Variants in CALCR observed in about 807,000 individuals in gnomAD.
CALCR encodes calcitonin receptor.
Under a neutral mutation model 59.5 loss-of-function variants are expected in CALCR, and 47 were observed. That is an observed-to-expected ratio of 0.79 (90% CI 0.63 to 1.01). The LOEUF (loss-of-function observed/expected upper bound fraction) is 1.01, where lower values mean the gene tolerates loss of function less well. CALCR is among the 50% of genes least tolerant of loss of function. CALCR has a pLI of 0.00. For synonymous variants in CALCR, 213 were observed against 211.3 expected (o/e 1.01, Z -0.07); for missense variants, 566 against 597.1 (o/e 0.95, Z 0.54).
chr7:93,437,026 C>CTTT (rs56167457), intron 11 of CALCR, among the ~76,000 whole-genome samples: 9 of 148,394 alleles, frequency 6.1e-5, no homozygotes, highest in South Asian at 2.1e-4. Flanking sequence ...ATTGTTGAAT[C>CTTT]TTTTTTTTTA....
chr7:93,454,502 A>G (rs931564876), intron 8 of CALCR, among the ~76,000 whole-genome samples: 2 of 152,016 alleles, frequency 1.3e-5, no homozygotes, highest in Non-Finnish European at 2.9e-5. Flanking sequence ...AGAGAAATTT[A>G]TTTCTAAAAA....
intron 2 of CALCR, among the ~76,000 whole-genome samples, chr7:93,532,228 T>C (rs757540562): frequency 6.6e-6 from 1 of 152,084 alleles, no homozygotes; most frequent in Non-Finnish European, 1.5e-5. Context: ...ATGAAGTCTG[T>C]CTAAAGGCAA....
intron 2 of CALCR, among the ~76,000 whole-genome samples, chr7:93,533,616 C>T (rs1788906155): frequency 6.6e-6 from 1 of 151,728 alleles, no homozygotes; most frequent in Admixed American, 6.6e-5. Context: ...AAAAATGTGG[C>T]ATTGTTAGAT....
chr7:93,488,043 G>T (rs1800988193), intron 2 of CALCR, among the ~76,000 whole-genome samples: 1 of 151,680 alleles, frequency 6.6e-6, no homozygotes, highest in South Asian at 2.1e-4. Flanking sequence ...AAGCCCTTCA[G>T]ACTAACAGAA....
intron 8 of CALCR, among the ~76,000 whole-genome samples, chr7:93,456,308 C>T (rs989585871): frequency 6.6e-6 from 1 of 152,014 alleles, no homozygotes; most frequent in African/African-American, 2.4e-5. Context: ...TGATATTGCC[C>T]CATTGATCAT....
chr7:93,432,052 T>A (rs1799670027), intron 13 of CALCR, among the ~76,000 whole-genome samples: 1 of 152,234 alleles, frequency 6.6e-6, no homozygotes, highest in African/African-American at 2.4e-5. Flanking sequence ...CTGATTTCTA[T>A]TACTTTAATT....
At chr7:93,485,508 C>T (rs2115923755) in intron 3 of CALCR, among the ~76,000 whole-genome samples, 1 of 151,542 alleles carries the variant, frequency 6.6e-6, no homozygotes, top group East Asian at 2.0e-4. Flanking sequence ...CTGTCATGTT[C>T]AATATAATTA....
At chr7:93,528,283 A>T (rs992580881) in intron 2 of CALCR, among the ~76,000 whole-genome samples, 1 of 152,174 alleles carries the variant, frequency 6.6e-6, no homozygotes, top group African/African-American at 2.4e-5. Flanking sequence ...GAAATTTAAA[A>T]TTTTTTTATT....
At chr7:93,483,497 A>G (rs1280333019) in intron 3 of CALCR, among the ~76,000 whole-genome samples, 8 of 131,802 alleles carry the variant, frequency 6.1e-5, no homozygotes. Flanking sequence ...ATATATGTAT[A>G]TGTATGATTT....
At chr7:93,529,005 G>A (rs1361579877) in intron 2 of CALCR, among the ~76,000 whole-genome samples, 6 of 152,204 alleles carry the variant, frequency 3.9e-5, no homozygotes, top group East Asian at 1.9e-4. Context: ...ACGAAAATGA[G>A]TTTATATGAA....
At chr7:93,520,647 T>C (rs570958728) in intron 2 of CALCR, among the ~76,000 whole-genome samples, 1 of 152,290 alleles carries the variant, frequency 6.6e-6, no homozygotes, top group South Asian at 2.1e-4. Flanking sequence ...ACATCAACTC[T>C]ACAAAAATTA....
intron 7 of CALCR, among the ~76,000 whole-genome samples, chr7:93,466,310 C>T (rs746469173): frequency 1.3e-5 from 2 of 151,748 alleles, no homozygotes; most frequent in Non-Finnish European, 2.9e-5. Context: ...AAAAAATTTG[C>T]TAATTCACAA....
At chr7:93,443,479 T>G (rs1420066037) in intron 9 of CALCR, 125 bp downstream of exon 9, 13 of 835,334 alleles carry the variant, frequency 1.6e-5, no homozygotes, top group African/African-American at 3.4e-5. Flanking sequence ...CCAGTACCTG[T>G]GTTCCATCAT....
At chr7:93,429,095 CCTT>C (rs1562923576) in intron 13 of CALCR, among the ~76,000 whole-genome samples, 1 of 152,130 alleles carries the variant, frequency 6.6e-6, no homozygotes, top group Non-Finnish European at 1.5e-5. Flanking sequence ...AGGTTCACGG[CCTT>C]CTTTAATTGC....
intron 2 of CALCR, among the ~76,000 whole-genome samples, chr7:93,573,601 TA>T (rs1272416254): frequency 6.6e-6 from 1 of 152,216 alleles, no homozygotes; most frequent in African/African-American, 2.4e-5. Context: ...ATCTCAATTG[TA>T]TTGTTGATTT....
At chr7:93,570,960 T>G (rs1013606581) in intron 2 of CALCR, among the ~76,000 whole-genome samples, 30 of 152,340 alleles carry the variant, frequency 2.0e-4, no homozygotes, top group Non-Finnish European at 7.4e-5. Context: ...CTGATTATTC[T>G]CCAATGTTCT....
chr7:93,482,212 G>A (rs1282398572), intron 3 of CALCR, among the ~76,000 whole-genome samples: 1 of 151,750 alleles, frequency 6.6e-6, no homozygotes, highest in African/African-American at 2.4e-5. Context: ...GAATATGTGT[G>A]TTTTAAAAAT....
rs895182874 is a variant in CALCR at position 93,434,128 on chromosome 7, T to C, written c.1191+125A>G. 1.2e-5 allele frequency: 9 copies of C among 727,410 alleles called. No homozygotes were observed. The African/African-American group carries it at 1.6e-4, about 13-fold the overall frequency. 45.1% of individuals were successfully genotyped at this position (727,410 alleles called of 1,614,324 possible). ...AGTAGTGGAAAAAACATCATGTTGC[T>C]AATCACAAAACCCTATGAGGTCAAC... On this transcript the variant is annotated intron_variant, in intron 13 of 13. Transcript: ENST00000426151.
intron 2 of CALCR, among the ~76,000 whole-genome samples, chr7:93,510,586 G>A (rs1801524154): frequency 6.6e-6 from 1 of 152,122 alleles, no homozygotes; most frequent in African/African-American, 2.4e-5. Flanking sequence ...CTCTAAAGAG[G>A]GTGGGGTAAG....
Sources: gnomAD v4.1 joint callset for allele counts (sites outside exome capture counted in the v4.1 genomes callset) on GRCh38, gnomAD v4.1.1 for gene constraint, MANE v1.5 for transcripts, NCBI Gene and HGNC (gene_info 2026-07-23, HGNC 2026-07-21) for gene names.